The following SLC41A2 variants were observed in gnomAD, a reference collection of about 807,000 sequenced individuals.
The protein encoded by SLC41A2 is solute carrier family 41 member 2.
In SLC41A2, 32 loss-of-function variants were observed where a neutral mutation model predicts 58.3. The observed-to-expected ratio is 0.55, with a 90% CI of 0.41 to 0.74. The LOEUF (loss-of-function observed/expected upper bound fraction) is 0.74. Ranked by LOEUF, SLC41A2 falls within the 30% of genes least tolerant of loss-of-function variation. SLC41A2 has a pLI of 0.00. For missense variants in SLC41A2, 514 were observed against 680.6 expected, an observed-to-expected ratio of 0.76 and a Z score of 2.72; for synonymous variants, 190 against 235.0, an observed-to-expected ratio of 0.81 and a Z score of 1.75.
chr12:104,916,159 G>A (rs1350362447), intron 2 of SLC41A2, among the ~76,000 whole-genome samples: 1 of 152,090 alleles, frequency 6.6e-6, no homozygotes, highest in Non-Finnish European at 1.5e-5. Context: ...ATGTGCTGCT[G>A]GATTCGGTTT....
chr12:104,869,400 CAAAG>C (rs2043643946), intron 6 of SLC41A2, among the ~76,000 whole-genome samples: 1 of 151,988 alleles, frequency 6.6e-6, no homozygotes, highest in Non-Finnish European at 1.5e-5. Flanking sequence ...CGTACATAGA[CAAAG>C]AGAGAGAACA....
chr12:104,842,029 T>C (rs1303850107), intron 10 of SLC41A2, among the ~76,000 whole-genome samples: 1 of 152,038 alleles, frequency 6.6e-6, no homozygotes, highest in Admixed American at 6.5e-5. Context: ...GAATAAGAGC[T>C]TGGACCAAGG....
At chr12:104,937,527 C>A (rs1418873427) in intron 1 of SLC41A2, among the ~76,000 whole-genome samples, 1 of 152,148 alleles carries the variant, frequency 6.6e-6, no homozygotes, top group Non-Finnish European at 1.5e-5. Context: ...ACAGCCTTGG[C>A]GTGTGGTAGG....
At chr12:104,958,669 T>G (rs2048265033), upstream of SLC41A2, 1 of 152,346 alleles carries the variant, frequency 6.6e-6, no homozygotes, top group African/African-American at 2.4e-5. Context: ...AGCGGCCTCT[T>G]TTTGGCTGAG....
chr12:104,949,146 A>G (rs960282957), intron 1 of SLC41A2, among the ~76,000 whole-genome samples: 5 of 152,180 alleles, frequency 3.3e-5, no homozygotes, highest in African/African-American at 7.2e-5. Flanking sequence ...TGAACCCAGG[A>G]GGCAGAGGTT....
At chr12:104,850,919 A>C (rs1449988747) in intron 8 of SLC41A2, among the ~76,000 whole-genome samples, 2 of 152,256 alleles carry the variant, frequency 1.3e-5, no homozygotes, top group Non-Finnish European at 2.9e-5. Flanking sequence ...TAATTAAGGC[A>C]CATAAATGCA....
rs79748824 is a variant in SLC41A2 at position 104,946,896 on chromosome 12, T to A, written c.-168+11192A>T. ...TTCAGAGTCAAACTGGCTTACATCC[T>A]GACTTTCACTAACTGTGGGACCTAT... is the stretch of plus-strand genomic sequence containing the variant. On this transcript the variant is annotated intron_variant, in intron 1 of 10. Transcript: ENST00000258538. Among the ~76,000 whole-genome samples the A allele has an allele frequency of 8.2e-3, 1,250 of 152,340 alleles. 31 individuals carry two copies. The East Asian group carries it at 0.11, about 13-fold the overall frequency.
At chr12:104,919,549 T>C (rs1027424778) in intron 2 of SLC41A2, among the ~76,000 whole-genome samples, 2 of 152,236 alleles carry the variant, frequency 1.3e-5, no homozygotes, top group Non-Finnish European at 1.5e-5. Flanking sequence ...CTGATAGGTG[T>C]GTAGTGATAG....
intron 4 of SLC41A2, among the ~76,000 whole-genome samples, chr12:104,894,999 A>C (rs2045210483): frequency 6.6e-6 from 1 of 152,232 alleles, no homozygotes; most frequent in Non-Finnish European, 1.5e-5. Context: ...TTCTGGCTCT[A>C]TCACACACTT....
At chr12:104,921,131 A>T (rs978608594) in intron 2 of SLC41A2, among the ~76,000 whole-genome samples, 1 of 151,964 alleles carries the variant, frequency 6.6e-6, no homozygotes, top group Non-Finnish European at 1.5e-5. Context: ...TCTACAAGCT[A>T]TAAAAAACTA....
At chr12:104,895,471 A>G (rs2135705615) in intron 3 of SLC41A2, 126 bp from the exon 4 acceptor site, 1 of 658,464 alleles carries the variant, frequency 1.5e-6, no homozygotes, top group Middle Eastern at 4.0e-4. Flanking sequence ...CTCACATTGT[A>G]CTTTGAAAAT....
At chr12:104,809,499 T>C (rs968512487) in intron 10 of SLC41A2, among the ~76,000 whole-genome samples, 1 of 152,242 alleles carries the variant, frequency 6.6e-6, no homozygotes, top group African/African-American at 2.4e-5. Context: ...AGCCCTATTG[T>C]CTTTTCCATG....
intron 10 of SLC41A2, among the ~76,000 whole-genome samples, chr12:104,817,330 G>T (rs186575107): frequency 6.6e-6 from 1 of 152,274 alleles, no homozygotes; most frequent in East Asian, 1.9e-4. Context: ...GAATGTGAAG[G>T]CCTGGGACAT....
At chr12:104,904,384 C>T (rs1301692677) in intron 3 of SLC41A2, among the ~76,000 whole-genome samples, 1 of 152,208 alleles carries the variant, frequency 6.6e-6, no homozygotes, top group Non-Finnish European at 1.5e-5. Flanking sequence ...CTCAAGGCCT[C>T]TTCATTCTCT....
At position 104,803,424 on chromosome 12, in the gene SLC41A2, T is replaced by C. The variant is rs1023628094; in HGVS notation, c.*1728A>G. ...ATTATAAGGCAGAAGAATGGAATAA[T>C]TGAAGTTTAAAAATAAGCAAAAATA... On this transcript the variant is annotated 3_prime_UTR_variant, in exon 11 of 11. Coordinates refer to ENST00000258538, the MANE Select transcript of SLC41A2 (RefSeq NM_001352171.3). The C allele has an allele frequency of 1.3e-5, 2 of 152,114 alleles. No individual in the cohort carries two copies. The highest frequency in any genetic ancestry group is 2.4e-5 in the African/African-American group (1 of 41,434). 9.4% of individuals were successfully genotyped at this position (152,114 alleles called of 1,614,324 possible).
chr12:104,854,479 C>T (rs1356579146), intron 8 of SLC41A2, among the ~76,000 whole-genome samples: 1 of 151,048 alleles, frequency 6.6e-6, no homozygotes, highest in African/African-American at 2.4e-5. Context: ...AGGAGAATGG[C>T]GTGAACCTGG....
At position 104,805,234 on chromosome 12, in the gene SLC41A2, T is replaced by G; in HGVS notation, c.1640A>C (p.Asp547Ala). The change falls in exon 11 of 11, where the codon GAT becomes GCT. Residue 547 changes from aspartate (D) to alanine (A), a missense_variant. Transcript: ENST00000258538. The part of the protein sequence containing the change: ...FSIPYLTALG[D>A]LLGTALLALS... ...GGCTAACAGAGCTGTCCCGAGCAGA[T>G]CACCCAATGCTGTTAGGTAGGGGAT... is the stretch of plus-strand genomic sequence containing the variant. The G allele has an allele frequency of 6.2e-7, 1 of 1,613,964 alleles. No individual in the cohort carries two copies. The highest frequency in any genetic ancestry group is 8.5e-7 in the Non-Finnish European group (1 of 1,179,864).
At position 104,831,975 on chromosome 12, in the gene SLC41A2, A is replaced by T. The variant is rs536804004; in HGVS notation, c.1536+12497T>A. Among the ~76,000 whole-genome samples the T allele has an allele frequency of 2.5e-4, 38 of 152,316 alleles. No homozygotes were observed. The South Asian group carries it at 7.0e-3, about 28-fold the overall frequency. On this transcript the variant is annotated intron_variant, in intron 10 of 10. Coordinates refer to ENST00000258538, the MANE Select transcript of SLC41A2 (RefSeq NM_001352171.3). ...GTTGGGTGCTGAAACTTCAGTGATGAATAAAACAGAATCCCTGCATGAGCC... is the reference window on the plus strand; with the variant it reads ...GTTGGGTGCTGAAACTTCAGTGATGTATAAAACAGAATCCCTGCATGAGCC...
At chr12:104,917,823 G>A (rs2046395750) in intron 2 of SLC41A2, among the ~76,000 whole-genome samples, 1 of 19,912 alleles carries the variant, frequency 5.0e-5, no homozygotes, top group Non-Finnish European at 2.5e-4. Flanking sequence ...GAATGTTGTG[G>A]GGTGGGGGGA....
Sources: gnomAD v4.1 joint callset for allele counts (sites outside exome capture counted in the v4.1 genomes callset) on GRCh38, gnomAD v4.1.1 for gene constraint, MANE v1.5 for transcripts, NCBI Gene and HGNC (gene_info 2026-07-23, HGNC 2026-07-21) for gene names.